The following MATK variants were observed in gnomAD, a reference collection of about 807,000 sequenced individuals.
The protein encoded by MATK is megakaryocyte-associated tyrosine-protein kinase.
In MATK, 41 loss-of-function variants were observed where a neutral mutation model predicts 59.8. The observed-to-expected ratio is 0.69, with a 90% CI of 0.53 to 0.89. MATK has a LOEUF of 0.89. MATK is among the 40% of genes least tolerant of loss of function. The pLI is 0.00. For missense variants in MATK, 593 were observed against 719.6 expected, an observed-to-expected ratio of 0.82 and a Z score of 2.01; for synonymous variants, 308 against 306.1, an observed-to-expected ratio of 1.01 and a Z score of -0.06.
At chr19:3,779,827 G>C in intron 8 of MATK, 30 bp from the exon 9 acceptor site, 3 of 1,338,240 alleles carry the variant, frequency 2.2e-6, no homozygotes, top group Non-Finnish European at 3.2e-6. Context: ...AACGGGGTGA[G>C]ATCAGGACCC....
chr19:3,782,406 C>G (rs1393348931), intron 7 of MATK, among the ~76,000 whole-genome samples: 1 of 152,234 alleles, frequency 6.6e-6, no homozygotes, highest in Non-Finnish European at 1.5e-5. Context: ...CAGAGAGATA[C>G]TTTCAAGGAG....
chr19:3,780,796 C>T (rs927088239), intron 8 of MATK, among the ~76,000 whole-genome samples: 30 of 151,512 alleles, frequency 2.0e-4, no homozygotes, highest in African/African-American at 6.6e-4. Flanking sequence ...AGTGCAGTGG[C>T]GTGATCACAG....
At chr19:3,798,692 GGTAGAGAC>G (rs1276959894) in intron 1 of MATK, among the ~76,000 whole-genome samples, 1 of 139,758 alleles carries the variant, frequency 7.2e-6, no homozygotes, top group Admixed American at 7.3e-5. Context: ...TTTTTTTTTT[GGTAGAGAC>G]GGGATTTCAC....
intron 3 of MATK, 114 bp downstream of exon 3, chr19:3,784,709 GGC>G: frequency 1.3e-6 from 1 of 777,746 alleles, no homozygotes; most frequent in Non-Finnish European, 2.3e-6. Flanking sequence ...GCCAGGCCGA[GGC>G]CAGCAGAAGG....
intron 1 of MATK, chr19:3,785,590 C>T (rs1026107196): frequency 1.7e-4 from 38 of 230,170 alleles, no homozygotes; most frequent in African/African-American, 8.4e-4. Flanking sequence ...CCCATGAAAT[C>T]CTCCAGTCCC....
intron 8 of MATK, among the ~76,000 whole-genome samples, chr19:3,781,091 G>T (rs1299970346): frequency 2.0e-5 from 3 of 152,188 alleles, no homozygotes; most frequent in Non-Finnish European, 4.4e-5. Context: ...TTCAGGACAT[G>T]TGAGCATTAC....
At chr19:3,791,992 C>T (rs2037547023) in intron 1 of MATK, among the ~76,000 whole-genome samples, 1 of 152,004 alleles carries the variant, frequency 6.6e-6, no homozygotes, top group South Asian at 2.1e-4. Flanking sequence ...CCTATAATCC[C>T]AAGTACTCAG....
rs2037448224 is a variant in MATK, at chr19:3,784,385, G to A, written c.199C>T (p.Leu67=). The A allele has an allele frequency of 1.2e-6, 2 of 1,609,156 alleles. No individual in the cohort carries two copies. Residue 67 remains leucine (L), a synonymous_variant, in exon 4 of 14, where the codon CTG becomes TTG. Transcript: ENST00000310132. ...CEHTRPKPGE[L]AFRKGDVVTI... is the part of the protein sequence containing the mutation. Reference sequence around the variant, plus strand: ...ACCACGTCGCCCTTGCGGAAGGCCAGCTCCCCTGGCTTGGGGCGGGTGTGC... The same window carrying A: ...ACCACGTCGCCCTTGCGGAAGGCCAACTCCCCTGGCTTGGGGCGGGTGTGC...
chr19:3,785,334 T>C (rs1264642842), intron 1 of MATK, 48 bp from the exon 2 acceptor site: 1 of 1,259,570 alleles, frequency 7.9e-7, no homozygotes, highest in South Asian at 1.5e-5. Flanking sequence ...TGAGTCAAGG[T>C]CATTCCCAAG....
upstream of MATK, among the ~76,000 whole-genome samples, chr19:3,788,326 T>C (rs188944916): frequency 8.7e-5 from 13 of 150,024 alleles, no homozygotes; most frequent in Non-Finnish European, 1.3e-4. Flanking sequence ...CCGTCTCTAC[T>C]AAAACTACAA....
intron 12 of MATK, among the ~76,000 whole-genome samples, 176 bp downstream of exon 12, chr19:3,778,815 GC>G (rs972259464): frequency 2.0e-4 from 30 of 152,200 alleles, no homozygotes; most frequent in Non-Finnish European, 2.4e-4. Context: ...CTTTTTCAGA[GC>G]TGGAGAAACT....
At chr19:3,794,657 AAAAAG>A (rs1214162514) in intron 1 of MATK, among the ~76,000 whole-genome samples, 1 of 152,186 alleles carries the variant, frequency 6.6e-6, no homozygotes, top group Non-Finnish European at 1.5e-5. Context: ...CCTGTCTCAA[AAAAAG>A]AAAAGAAAAG....
At chr19:3,800,108 C>T (rs1303280096) in intron 1 of MATK, among the ~76,000 whole-genome samples, 1 of 148,234 alleles carries the variant, frequency 6.7e-6, no homozygotes, top group African/African-American at 2.5e-5. Context: ...TGCCACTGCG[C>T]TCCAGCCTGG....
chr19:3,784,721 G>A (rs559668739), intron 3 of MATK, 104 bp downstream of exon 3: 6 of 804,020 alleles, frequency 7.5e-6, no homozygotes, highest in African/African-American at 1.7e-5. Context: ...CCAGCAGAAG[G>A]GGGTAGGGGG....
Position 3,778,398 on chromosome 19 carries a change from C to A in MATK, c.1309G>T (p.Val437Leu), listed in dbSNP as rs747780125. Residue 437 changes from valine (V) to leucine (L), a missense_variant, in exon 14 of 14, where the codon GTG becomes TTG. Physicochemically the swap from Val to Leu is conservative, Grantham distance 32. Transcript: ENST00000310132. The part of the protein sequence containing the change: ...KMSLKEVSEA[V>L]EKGYRMEPPE... ...GGTTCCATGCGGTACCCCTTCTCCA[C>A]GGCCTCCGACACCTCTTTCAGTGAC... 4 of 1,612,172 alleles carry A rather than the reference C, an allele frequency of 2.5e-6. No individual in the cohort carries two copies. The highest frequency in any genetic ancestry group is 3.4e-6 in the Non-Finnish European group (4 of 1,179,504).
intron 9 of MATK, 37 bp downstream of exon 9, chr19:3,779,661 C>CG (rs2037371694): frequency 1.2e-6 from 2 of 1,610,624 alleles, no homozygotes; most frequent in African/African-American, 1.3e-5. Context: ...TGGGACCCCC[C>CG]CCGTCCCACG....
At chr19:3,798,712 A>C (rs1292501549) in intron 1 of MATK, among the ~76,000 whole-genome samples, 1 of 146,246 alleles carries the variant, frequency 6.8e-6, no homozygotes, top group Non-Finnish European at 1.5e-5. Context: ...GGATTTCACC[A>C]TGTTGGTCAG....
chr19:3,784,313 C>A, intron 4 of MATK, 25 bp downstream of exon 4: 1 of 1,591,208 alleles, frequency 6.3e-7, no homozygotes, highest in Non-Finnish European at 8.6e-7. Context: ...GCCCCAAGCA[C>A]CCACACCCGC....
At chr19:3,800,823 T>C (rs1235919449) in intron 1 of MATK, among the ~76,000 whole-genome samples, 1 of 152,178 alleles carries the variant, frequency 6.6e-6, no homozygotes, top group African/African-American at 2.4e-5. Context: ...GAAAAACACA[T>C]GTAACAAAAT....
Sources: allele counts gnomAD v4.1 joint callset (sites outside exome capture counted in the v4.1 genomes callset), GRCh38; gene constraint gnomAD v4.1.1; transcripts MANE v1.5; gene names NCBI Gene and HGNC (gene_info 2026-07-23, HGNC 2026-07-21).